APBA2: variants seen among roughly 807,000 people sequenced by gnomAD.
APBA2 encodes the protein amyloid beta precursor protein binding family A member 2, also known as amyloid-beta A4 precursor protein-binding family A member 2.
A neutral mutation model predicts 75.0 loss-of-function variants in APBA2; 30 were observed. The ratio of observed to expected loss-of-function variants is 0.40; its 90% CI spans 0.30 to 0.54. The LOEUF is 0.54. APBA2 is among the 20% of genes least tolerant of loss of function. APBA2 has a pLI of 0.49. For missense variants in APBA2, 801 were observed against 1,016.1 expected (o/e 0.79, Z 2.88); for synonymous variants, 444 against 409.6 (o/e 1.08, Z -1.01).
intron 2 of APBA2, among the ~76,000 whole-genome samples, chr15:28,984,213 C>CT (rs990540492): frequency 9.9e-5 from 15 of 152,234 alleles, no homozygotes; most frequent in African/African-American, 3.6e-4. Flanking sequence ...ATTCGGGACT[C>CT]TGAGTGCCGG....
At chr15:28,893,260 G>A (rs985311890) in intron 1 of APBA2, among the ~76,000 whole-genome samples, 5 of 152,234 alleles carry the variant, frequency 3.3e-5, no homozygotes, top group Admixed American at 3.3e-4. Flanking sequence ...GAGATGAGAT[G>A]TGTGCAACTG....
At chr15:28,904,708 A>G (rs1254624518) in intron 1 of APBA2, among the ~76,000 whole-genome samples, 1 of 152,170 alleles carries the variant, frequency 6.6e-6, no homozygotes, top group Non-Finnish European at 1.5e-5. Flanking sequence ...TGTGTCCAGC[A>G]AACAGCGTTG....
chr15:28,982,833 G>T (rs2037697875), intron 2 of APBA2, among the ~76,000 whole-genome samples: 1 of 152,350 alleles, frequency 6.6e-6, no homozygotes, highest in East Asian at 1.9e-4. Context: ...TACAGGGCTG[G>T]TGTCCAGCCT....
rs753422882 is a variant in APBA2, at chr15:29,101,623, C to T, written c.1363C>T (p.Arg455Cys). 6.8e-6 allele frequency: 11 copies of T among 1,613,562 alleles called. No individual in the cohort carries two copies. The highest frequency in any genetic ancestry group is 8.5e-6 in the Non-Finnish European group (10 of 1,179,952). Residue 455 changes from arginine (R) to cysteine (C), a missense_variant, in exon 10 of 15, where the codon CGT becomes TGT. Coordinates refer to ENST00000683413, the MANE Select transcript of APBA2 (RefSeq NM_001353788.2). ...GGAAACCATGATGGACCACGCCTTG[C>T]GTACCATCTCCTACATCGCCGACAT... ...TQETMMDHAL[R>C]TISYIADIGN...
At chr15:28,981,095 T>G (rs946129781) in intron 2 of APBA2, among the ~76,000 whole-genome samples, 2 of 152,214 alleles carry the variant, frequency 1.3e-5, no homozygotes, top group African/African-American at 2.4e-5. Context: ...AGAAACATCA[T>G]TCTGGATATT....
At chr15:29,113,081 TTC>T (rs1456082155) in intron 13 of APBA2, among the ~76,000 whole-genome samples, 1 of 152,168 alleles carries the variant, frequency 6.6e-6, no homozygotes, top group Non-Finnish European at 1.5e-5. Context: ...CTAGAGCACA[TTC>T]TGTTTCTCCG....
chr15:29,052,059 G>A (rs1247864781), intron 3 of APBA2, among the ~76,000 whole-genome samples: 1 of 152,070 alleles, frequency 6.6e-6, no homozygotes, highest in African/African-American at 2.4e-5. Context: ...ACTGGAATAT[G>A]TTTTTTTAAA....
At chr15:29,105,996 G>T (rs3943098) in intron 11 of APBA2, among the ~76,000 whole-genome samples, 2,879 of 152,312 alleles carry the variant, frequency 0.019, 60 homozygotes, top group African/African-American at 0.049. Flanking sequence ...AATTCCCTGG[G>T]GATGGCCCAT....
intron 2 of APBA2, among the ~76,000 whole-genome samples, chr15:28,937,896 A>G (rs1422505318): frequency 6.6e-6 from 1 of 152,086 alleles, no homozygotes; most frequent in Non-Finnish European, 1.5e-5. Flanking sequence ...TGACCTCGTG[A>G]TCCGCCCACC....
At chr15:28,909,758 G>T (rs756122086) in intron 1 of APBA2, among the ~76,000 whole-genome samples, 8 of 152,204 alleles carry the variant, frequency 5.3e-5, no homozygotes, top group Non-Finnish European at 1.2e-4. Flanking sequence ...CCTATCCGGG[G>T]CTTTGTAAAG....
intron 1 of APBA2, among the ~76,000 whole-genome samples, chr15:28,895,082 C>T (rs1348827151): frequency 2.0e-5 from 3 of 152,200 alleles, no homozygotes; most frequent in East Asian, 1.9e-4. Context: ...TAACTTGCCC[C>T]TGTTTTTCTA....
chr15:29,019,149 C>T (rs1027710350), intron 3 of APBA2, among the ~76,000 whole-genome samples: 2 of 152,166 alleles, frequency 1.3e-5, no homozygotes, highest in African/African-American at 4.8e-5. Flanking sequence ...CGGCCCCTCA[C>T]CCCTGGTGAC....
At chr15:29,047,689 A>T (rs957043405) in intron 3 of APBA2, among the ~76,000 whole-genome samples, 2 of 152,216 alleles carry the variant, frequency 1.3e-5, no homozygotes, top group Non-Finnish European at 2.9e-5. Context: ...AGGGCAGGGT[A>T]GTTAGACAAG....
intron 9 of APBA2, among the ~76,000 whole-genome samples, chr15:29,101,290 C>T (rs1000562283): frequency 3.6e-4 from 54 of 150,736 alleles, no homozygotes; most frequent in African/African-American, 1.3e-3. Context: ...AGTGCAGTGG[C>T]GCAATCTCGG....
chr15:29,095,316 A>C (rs60331337), intron 8 of APBA2, among the ~76,000 whole-genome samples: 4,865 of 151,856 alleles, frequency 0.032, 194 homozygotes, highest in African/African-American at 0.093. Flanking sequence ...GTAATTCCAG[A>C]TACTCGGGAG....
chr15:28,924,016 A>G (rs938793845), intron 2 of APBA2, among the ~76,000 whole-genome samples: 2 of 152,166 alleles, frequency 1.3e-5, no homozygotes, highest in African/African-American at 4.8e-5. Context: ...CCACCTCTAA[A>G]AGCCAGCGGT....
intron 1 of APBA2, among the ~76,000 whole-genome samples, chr15:28,891,093 C>A (rs1480804534): frequency 2.6e-5 from 4 of 152,214 alleles, no homozygotes; most frequent in Non-Finnish European, 5.9e-5. Context: ...AACGGAAACA[C>A]TCCAACATTT....
intron 13 of APBA2, chr15:29,108,713 T>C (rs1567025574): frequency 6.2e-6 from 3 of 485,796 alleles, no homozygotes; most frequent in South Asian, 2.2e-5. Context: ...ACACAACCAA[T>C]TGTGGCATCA....
At chr15:29,073,649 G>A (rs1382786945) in intron 4 of APBA2, among the ~76,000 whole-genome samples, 1 of 152,226 alleles carries the variant, frequency 6.6e-6, no homozygotes, top group African/African-American at 2.4e-5. Flanking sequence ...ACTGTGCCCA[G>A]CTGGTAAATG....
Sources: gnomAD v4.1 joint callset for allele counts (sites outside exome capture counted in the v4.1 genomes callset) on GRCh38, gnomAD v4.1.1 for gene constraint, MANE v1.5 for transcripts, NCBI Gene and HGNC (gene_info 2026-07-23, HGNC 2026-07-21) for gene names.